TJAP1: variants seen among roughly 807,000 people sequenced by gnomAD.
The protein encoded by TJAP1 is tight junction-associated protein 1.
A neutral mutation model predicts 42.0 loss-of-function variants in TJAP1; 27 were observed. The observed-to-expected ratio is 0.64, with a 90% CI of 0.47 to 0.89. The LOEUF (loss-of-function observed/expected upper bound fraction) is 0.89, where lower values mean the gene tolerates loss of function less well. TJAP1 is among the 40% of genes least tolerant of loss of function. The probability of loss-of-function intolerance (pLI) is 0.00; values close to 1 mark genes in which losing one functional copy is unlikely to be tolerated. For synonymous variants in TJAP1, 257 were observed against 288.4 expected, an observed-to-expected ratio of 0.89 and a Z score of 1.10; for missense variants, 712 against 726.9, an observed-to-expected ratio of 0.98 and a Z score of 0.24.
chr6:43,503,528 CG>C lies in TJAP1; in HGVS notation c.495+23del, dbSNP rs751268586. ...CTCAATGTATGTGCGCTTCACTACTCGGGCCTTCCTCACCTGGGGCTAGCTT... is the reference window on the plus strand; with the variant it reads ...CTCAATGTATGTGCGCTTCACTACTCGGCCTTCCTCACCTGGGGCTAGCTT... On this transcript the variant is annotated intron_variant, in intron 9 of 10. Coordinates refer to ENST00000372449, the Ensembl canonical transcript of TJAP1. 5.0e-6 allele frequency: 8 copies of C among 1,611,360 alleles called. No homozygotes were observed. The Admixed American group carries it at 1.2e-4, about 23-fold the overall frequency.
intron 2 of TJAP1, among the ~76,000 whole-genome samples, chr6:43,488,899 G>A (rs1348032785): frequency 6.6e-6 from 1 of 152,194 alleles, no homozygotes; most frequent in Non-Finnish European, 1.5e-5. Context: ...AGTGTTTCCT[G>A]TCTGCGTGAA....
At chr6:43,502,797 G>A (rs1487647473) in intron 8 of TJAP1, 180 bp downstream of exon 8, 14 of 722,396 alleles carry the variant, frequency 1.9e-5, no homozygotes, top group Non-Finnish European at 2.9e-5. Flanking sequence ...GGGGAGCCTA[G>A]CCTGCTCTGC....
intron 3 of TJAP1, among the ~76,000 whole-genome samples, chr6:43,498,685 C>A (rs1226010204): frequency 6.6e-6 from 1 of 152,232 alleles, no homozygotes; most frequent in Non-Finnish European, 1.5e-5. Context: ...GGGTGGTGGG[C>A]TGCTTTGAAG....
intron 10 of TJAP1, chr6:43,504,262 C>T: frequency 4.4e-6 from 1 of 225,052 alleles, no homozygotes; most frequent in Non-Finnish European, 9.0e-6. Flanking sequence ...TTATAGGCGC[C>T]CACCACCACG....
At chr6:43,502,060 A>C (rs1790956889) in intron 6 of TJAP1, among the ~76,000 whole-genome samples, 1 of 124,552 alleles carries the variant, frequency 8.0e-6, no homozygotes, top group African/African-American at 3.6e-5. Context: ...ACACACACAC[A>C]CACACACACA....
In TJAP1 at chr6:43,499,126, G is replaced by C. The variant is rs191628310; in HGVS notation, c.99+26G>C. On this transcript the variant is annotated intron_variant, in intron 4 of 10. Coordinates refer to ENST00000372449, the Ensembl canonical transcript of TJAP1. The stretch of plus-strand genomic sequence containing the variant: ...GTCAGCAAGACTGGTATCACAGCCT[G>C]ACCGGCAGAGGCAAGGCCCCTGAGG... 5 of 1,611,828 alleles carry C rather than the reference G, an allele frequency of 3.1e-6. No individual in the cohort carries two copies. In the Admixed American group the frequency reaches 8.3e-5, roughly 27 times the overall value.
chr6:43,505,860 C>T lies in TJAP1; in HGVS notation c.*5C>T. 2 of 1,452,592 alleles carry T rather than the reference C, an allele frequency of 1.4e-6. No individual in the cohort carries two copies. Among genetic ancestry groups the T allele is most frequent in the Non-Finnish European group, 1.8e-6 (2 of 1,106,916 alleles). The allele number at this position is 1,452,592 out of a possible 1,614,324, so 90.0% of individuals were successfully genotyped here. On this transcript the variant is annotated 3_prime_UTR_variant, in exon 11 of 11. Transcript: ENST00000372449. The surrounding 1 kb of genome is among the most constrained non-coding windows in gnomAD (Gnocchi z 5.5). Reference sequence around the variant, plus strand: ...CAGGGCAACCTGCTCAACTAGGGCCCCTGCTGGCCTTCCTGCCATTGCTGC... The same window carrying T: ...CAGGGCAACCTGCTCAACTAGGGCCTCTGCTGGCCTTCCTGCCATTGCTGC...
chr6:43,485,785 G>C (rs1293409299), intron 2 of TJAP1, among the ~76,000 whole-genome samples: 1 of 152,188 alleles, frequency 6.6e-6, no homozygotes, highest in Non-Finnish European at 1.5e-5. Context: ...TCCTCAGTGG[G>C]ATTAAAGAAG....
intron 6 of TJAP1, among the ~76,000 whole-genome samples, 162 bp downstream of exon 6, chr6:43,501,849 A>G (rs1315366720): frequency 1.5e-5 from 2 of 135,256 alleles, no homozygotes; most frequent in African/African-American, 2.9e-5. Flanking sequence ...TCTAATTCCT[A>G]TTAAAAAACT....
In TJAP1 at chr6:43,505,296, CCAGCCCAGTGCCCAGCACCCCTGCCT is replaced by C; in HGVS notation, c.1124_1149del (p.Val375GlyfsTer19). ...GAGGAGGGGAGTGAGCGGGCCCGCC[CCAGCCCAGTGCCCAGCACCCCTGCCT>C]CAGCCCAGGCCTCACCCCACCACCA... On this transcript the variant is annotated frameshift_variant, in exon 11 of 11. Coordinates refer to ENST00000372449, the Ensembl canonical transcript of TJAP1. LOFTEE classifies it low-confidence loss of function (END_TRUNC). This position sits in a 1 kb window ranked among gnomAD's most constrained non-coding sequence, Gnocchi z 5.5. 1 of 1,611,982 alleles carries C rather than the reference CCAGCCCAGTGCCCAGCACCCCTGCCT, an allele frequency of 6.2e-7. No individual in the cohort carries two copies. The highest frequency in any genetic ancestry group is 8.5e-7 in the Non-Finnish European group (1 of 1,179,814).
intron 4 of TJAP1, 96 bp from the exon 5 acceptor site, chr6:43,500,648 C>A: frequency 1.4e-6 from 2 of 1,407,136 alleles, no homozygotes; most frequent in Non-Finnish European, 2.0e-6. Context: ...AGTCTTTGGG[C>A]TTCACACCTG....
In TJAP1 at chr6:43,503,679, C is replaced by T. The variant is rs751344947; in HGVS notation, c.552C>T (p.Ser184=). 6.3e-5 allele frequency: 101 copies of T among 1,614,128 alleles called. No homozygotes were observed. The East Asian group carries it at 2.2e-3, about 35-fold the overall frequency. Residue 184 remains serine (S), a synonymous_variant, in exon 10 of 11, where the codon TCC becomes TCT. Coordinates refer to ENST00000372449, the Ensembl canonical transcript of TJAP1. Reference sequence around the variant, plus strand: ...TACAGCTCCTCAAGTGCAACAAGTCCCACTTCCGAAACCACAAGTTTGCCG... The same window carrying T: ...TACAGCTCCTCAAGTGCAACAAGTCTCACTTCCGAAACCACAAGTTTGCCG...
Position 43,495,965 on chromosome 6 carries a change from C to T in TJAP1, c.-121-1916C>T, listed in dbSNP as rs773787818. On this transcript the variant is annotated intron_variant, in intron 2 of 10. Coordinates refer to ENST00000372449, the Ensembl canonical transcript of TJAP1. This position sits in a 1 kb window ranked among gnomAD's most constrained non-coding sequence, Gnocchi z 4.6. The stretch of plus-strand genomic sequence containing the variant: ...CTGCCTGCCGTTCATGCAGGTGTTT[C>T]GGTACCAAGAGGACAGCACAGGCCT... Among the ~76,000 whole-genome samples, 4 of 152,204 alleles carry T rather than the reference C, an allele frequency of 2.6e-5. No homozygotes were observed. The highest frequency in any genetic ancestry group is 4.8e-5 in the African/African-American group (2 of 41,500).
At chr6:43,481,188 A>G (rs1339178351) in intron 2 of TJAP1, among the ~76,000 whole-genome samples, 1 of 152,104 alleles carries the variant, frequency 6.6e-6, no homozygotes, top group Admixed American at 6.5e-5. Context: ...CCTCTCAGAA[A>G]TAGTAACTGG....
chr6:43,500,566 G>T, intron 4 of TJAP1, 178 bp from the exon 5 acceptor site: 1 of 629,440 alleles, frequency 1.6e-6, no homozygotes, highest in South Asian at 2.0e-5. Flanking sequence ...GGAGAGGGTA[G>T]TCGAGGCTTG....
rs538159723 is a variant in TJAP1 at position 43,504,680 on chromosome 6, G to C, written c.580-81G>C. ...TGAGTACACAGAGGTACTTAAAGGT[G>C]GGAGCCATTACTTTCGCCATGAGTC... On this transcript the variant is annotated intron_variant, in intron 10 of 10. Coordinates refer to ENST00000372449, the Ensembl canonical transcript of TJAP1. The C allele has an allele frequency of 6.3e-5, 97 of 1,534,762 alleles. 1 individual carries two copies. In the South Asian group the frequency reaches 1.2e-3, roughly 19 times the overall value.
At chr6:43,502,076 A>ACTCTCTCTCTCTCTCT (rs529451483) in intron 6 of TJAP1, among the ~76,000 whole-genome samples, 3 of 68,930 alleles carry the variant, frequency 4.4e-5, no homozygotes, top group African/African-American at 7.7e-5. Flanking sequence ...ACACACACAC[A>ACTCTCTCTCTCTCTCT]CTCTCTCTCT....
Position 43,505,884 on chromosome 6 carries a change from GC to G in TJAP1, c.*30del. 7.0e-7 allele frequency: 1 copy of G among 1,435,820 alleles called. No homozygotes were observed. The highest frequency in any genetic ancestry group is 1.5e-5 in the South Asian group (1 of 66,462). The allele number at this position is 1,435,820 out of a possible 1,614,324, so 88.9% of individuals were successfully genotyped here. A position where few individuals can be genotyped will look rare whatever the true frequency, so the allele number is the denominator to read the frequency against. On this transcript the variant is annotated 3_prime_UTR_variant, in exon 11 of 11. Transcript: ENST00000372449. The surrounding 1 kb of genome is among the most constrained non-coding windows in gnomAD (Gnocchi z 5.5). ...CCCTGCTGGCCTTCCTGCCATTGCT[GC>G]ACCAGGACTGCAAGGAGTCCCCACA... is the stretch of plus-strand genomic sequence containing the variant.
exon 11 of TJAP1, chr6:43,504,864 C>T (rs1374605287): frequency 6.2e-7 from 1 of 1,614,212 alleles, no homozygotes; most frequent in African/African-American, 1.3e-5. Context: ...GCTGTGGTGC[C>T]TACCTCAGTC....
Sources: gnomAD v4.1 joint callset for allele counts (sites outside exome capture counted in the v4.1 genomes callset) on GRCh38, gnomAD v4.1.1 for gene constraint, Gnocchi (gnomAD v3.1) non-coding constraint, MANE v1.5 for transcripts, NCBI Gene and HGNC (gene_info 2026-07-23, HGNC 2026-07-21) for gene names.